The following ELMO1 variants were observed in gnomAD, a reference collection of about 807,000 sequenced individuals.
ELMO1 encodes the protein engulfment and cell motility 1.
ELMO1 carries 26 observed loss-of-function variants against 98.9 expected under a neutral mutation model. The ratio of observed to expected loss-of-function variants is 0.26; its 90% confidence interval spans 0.19 to 0.36. ELMO1 has a LOEUF of 0.36. ELMO1 is among the 10% of genes least tolerant of loss of function. The pLI, the probability that ELMO1 is intolerant of heterozygous loss-of-function variation, is 1.00. For missense variants in ELMO1, 627 were observed against 935.2 expected, an observed-to-expected ratio of 0.67 and a Z score of 4.30; for synonymous variants, 346 against 346.0, an observed-to-expected ratio of 1.00 and a Z score of 0.00.
chr7:36,961,492 C>T (rs1788948314), intron 16 of ELMO1, among the ~76,000 whole-genome samples: 1 of 152,112 alleles, frequency 6.6e-6, no homozygotes, highest in African/African-American at 2.4e-5. Flanking sequence ...AGTTTTAATC[C>T]ATCAAACTAC....
At chr7:37,017,325 A>G (rs1323551042) in intron 15 of ELMO1, among the ~76,000 whole-genome samples, 1 of 152,160 alleles carries the variant, frequency 6.6e-6, no homozygotes, top group Non-Finnish European at 1.5e-5. Flanking sequence ...GGCACTAGGG[A>G]AAGGTCACAT....
intron 1 of ELMO1, among the ~76,000 whole-genome samples, chr7:37,422,857 G>C (rs986127805): frequency 1.3e-5 from 2 of 152,228 alleles, no homozygotes; most frequent in Non-Finnish European, 2.9e-5. Flanking sequence ...AAACCATTTA[G>C]ATACTTTTCT....
intron 16 of ELMO1, among the ~76,000 whole-genome samples, chr7:36,953,508 C>T (rs544264160): frequency 2.2e-4 from 33 of 152,246 alleles, no homozygotes; most frequent in African/African-American, 7.7e-4. Context: ...CAGAAAATGA[C>T]TGTCAAAAAT....
At chr7:37,379,198 C>G (rs1236414255) in intron 1 of ELMO1, among the ~76,000 whole-genome samples, 2 of 152,130 alleles carry the variant, frequency 1.3e-5, no homozygotes, top group Admixed American at 1.3e-4. Context: ...TACCACCACT[C>G]CTGGCTAATT....
chr7:37,164,945 C>T (rs1170749784), intron 13 of ELMO1, among the ~76,000 whole-genome samples: 2 of 151,862 alleles, frequency 1.3e-5, no homozygotes, highest in Non-Finnish European at 2.9e-5. Flanking sequence ...GCCATTTTCA[C>T]AATATTGATT....
At chr7:37,033,351 G>A (rs1005460167) in intron 15 of ELMO1, 17 of 454,606 alleles carry the variant, frequency 3.7e-5, no homozygotes, top group African/African-American at 8.0e-5. Context: ...ACTTACCTCC[G>A]AGACACACTG....
At chr7:37,319,980 G>A (rs1489355137) in intron 2 of ELMO1, among the ~76,000 whole-genome samples, 1 of 152,158 alleles carries the variant, frequency 6.6e-6, no homozygotes, top group Non-Finnish European at 1.5e-5. Flanking sequence ...TCCCAGCTGA[G>A]CATGGTGGCT....
intron 4 of ELMO1, among the ~76,000 whole-genome samples, chr7:37,284,509 G>A (rs185044783): frequency 6.6e-6 from 1 of 152,236 alleles, no homozygotes; most frequent in African/African-American, 2.4e-5. Context: ...CTCCAACCTT[G>A]ACATCGCTGG....
chr7:36,893,462 GC>G (rs1420684600), intron 17 of ELMO1, among the ~76,000 whole-genome samples: 3 of 152,206 alleles, frequency 2.0e-5, no homozygotes, highest in Non-Finnish European at 2.9e-5. Flanking sequence ...TGAAGCCAAA[GC>G]GCCTTGGAAG....
At chr7:36,892,552 G>A (rs1042317544) in intron 17 of ELMO1, among the ~76,000 whole-genome samples, 2 of 152,078 alleles carry the variant, frequency 1.3e-5, no homozygotes, top group East Asian at 1.9e-4. Flanking sequence ...AGATGTTTGT[G>A]AAATGAAAAA....
intron 15 of ELMO1, among the ~76,000 whole-genome samples, chr7:37,055,969 T>C (rs1365957008): frequency 6.6e-6 from 1 of 152,188 alleles, no homozygotes; most frequent in African/African-American, 2.4e-5. Context: ...TAACTTTAAT[T>C]AGGAACCAAT....
intron 21 of ELMO1, among the ~76,000 whole-genome samples, chr7:36,857,795 C>T (rs1802322676): frequency 6.6e-6 from 1 of 152,152 alleles, no homozygotes; most frequent in South Asian, 2.1e-4. Flanking sequence ...ACAACTCATG[C>T]TTAGATTCTG....
rs12671974 is a variant in ELMO1 at position 37,205,081 on chromosome 7, C to T, written c.1086+6305G>A. Among the ~76,000 whole-genome samples, 160 of 152,340 alleles carry T rather than the reference C, an allele frequency of 1.1e-3. 2 individuals are homozygous for T. In the East Asian group the frequency reaches 0.028, roughly 27 times the overall value. ...CCACCCAACCCAGAAGCCCAGCCGG[C>T]TTCACCTCTCATTACCATTTAAGAG... On this transcript the variant is annotated intron_variant, in intron 13 of 21. Coordinates refer to ENST00000310758, the MANE Select transcript of ELMO1 (RefSeq NM_014800.11).
intron 16 of ELMO1, among the ~76,000 whole-genome samples, chr7:37,002,537 C>A (rs554529852): frequency 6.6e-6 from 1 of 152,220 alleles, no homozygotes; most frequent in Non-Finnish European, 1.5e-5. Context: ...CAAAGAGGGA[C>A]TAGCCCATAA....
intron 16 of ELMO1, among the ~76,000 whole-genome samples, chr7:36,907,193 G>A (rs536185349): frequency 7.9e-5 from 12 of 152,196 alleles, no homozygotes; most frequent in African/African-American, 2.6e-4. Flanking sequence ...GGCCAGGGAC[G>A]AATCCCTGTG....
chr7:37,016,930 A>C (rs557957308), intron 15 of ELMO1, among the ~76,000 whole-genome samples: 1 of 152,222 alleles, frequency 6.6e-6, no homozygotes, highest in Non-Finnish European at 1.5e-5. Context: ...TTCTCAATTA[A>C]CCCTGCCTCC....
chr7:36,954,741 A>G (rs1788299579), intron 16 of ELMO1, among the ~76,000 whole-genome samples: 1 of 152,164 alleles, frequency 6.6e-6, no homozygotes, highest in East Asian at 1.9e-4. Context: ...ATAACTTTTA[A>G]GATCTTTTAG....
At chr7:36,906,872 A>G (rs1784002481) in intron 16 of ELMO1, among the ~76,000 whole-genome samples, 3 of 152,184 alleles carry the variant, frequency 2.0e-5, no homozygotes, top group African/African-American at 7.2e-5. Flanking sequence ...AGGGGCAGGA[A>G]AACAAAGTGA....
intron 20 of ELMO1, among the ~76,000 whole-genome samples, chr7:36,869,121 A>C (rs1803294128): frequency 6.6e-6 from 1 of 152,244 alleles, no homozygotes; most frequent in Non-Finnish European, 1.5e-5. Context: ...GAGAAGAGAT[A>C]AACGGAAACC....
Sources: allele counts gnomAD v4.1 joint callset (sites outside exome capture counted in the v4.1 genomes callset), GRCh38; gene constraint gnomAD v4.1.1; transcripts MANE v1.5; gene names NCBI Gene and HGNC (gene_info 2026-07-23, HGNC 2026-07-21).